RYR3: variants seen among roughly 807,000 people sequenced by gnomAD.
The protein encoded by RYR3 is brain ryanodine receptor-calcium release channel.
A neutral mutation model predicts 584.3 loss-of-function variants in RYR3; 207 were observed. That is an observed-to-expected ratio of 0.35 (90% CI 0.32 to 0.40). The LOEUF is 0.40. Among genes scored for constraint, RYR3 ranks in the 10% least tolerant of loss-of-function variants. The pLI is 1.00. For missense variants in RYR3, 5,616 were observed against 6,089.2 expected (o/e 0.92, Z 2.59); for synonymous variants, 2,416 against 2,248.5 (o/e 1.07, Z -2.11).
At chr15:33,489,927 C>G (rs897360371) in intron 2 of RYR3, among the ~76,000 whole-genome samples, 2 of 98,582 alleles carry the variant, frequency 2.0e-5, no homozygotes, top group Non-Finnish European at 4.4e-5. Flanking sequence ...CCTCATTTGC[C>G]CATTCATTCC....
At position 33,533,349 on chromosome 15, in the gene RYR3, C is replaced by A. The variant is rs183923528; in HGVS notation, c.393C>A (p.Asp131Glu). Residue 131 changes from aspartate (D) to glutamate (E), a missense_variant, in exon 5 of 104, where the codon GAC becomes GAA. Asp to Glu is a conservative substitution (Grantham distance 45, BLOSUM62 2). Transcript: ENST00000634891. ...TCLTTSRSQT[D>E]KLAFDVGLRE... is the part of the protein sequence containing the mutation. ...TGACTACATCAAGATCCCAGACAGACAAACTTGCCTTTGATGTAGGTCTAC... is the reference window on the plus strand; with the variant it reads ...TGACTACATCAAGATCCCAGACAGAAAAACTTGCCTTTGATGTAGGTCTAC... The A allele has an allele frequency of 1.8e-5, 29 of 1,609,118 alleles. No homozygotes were observed. Among genetic ancestry groups the A allele is most frequent in the Non-Finnish European group, 2.4e-5 (28 of 1,177,754 alleles).
chr15:33,748,339 G>A (rs1047358165), intron 54 of RYR3, 79 bp downstream of exon 54: 24 of 1,556,182 alleles, frequency 1.5e-5, no homozygotes, highest in Middle Eastern at 1.7e-4. Flanking sequence ...CTGGGGCATC[G>A]TAGGTGGGAC....
At chr15:33,842,083 G>C (rs1486023900) in intron 91 of RYR3, 48 bp downstream of exon 91, 1 of 1,554,346 alleles carries the variant, frequency 6.4e-7, no homozygotes, top group African/African-American at 1.4e-5. Flanking sequence ...GATTGGCCCA[G>C]GCAGATGGCA....
At chr15:33,354,080 C>T (rs1476728751) in intron 1 of RYR3, among the ~76,000 whole-genome samples, 1 of 152,134 alleles carries the variant, frequency 6.6e-6, no homozygotes, top group Non-Finnish European at 1.5e-5. Context: ...TTGGGTTCTA[C>T]AGCAAAAGAA....
intron 43 of RYR3, among the ~76,000 whole-genome samples, chr15:33,721,372 A>G (rs1567021855): frequency 6.6e-6 from 1 of 152,232 alleles, no homozygotes; most frequent in East Asian, 1.9e-4. Context: ...CACCTAGCTT[A>G]GCGACTTCAA....
intron 76 of RYR3, 85 bp downstream of exon 76, chr15:33,818,769 G>A: frequency 1.1e-6 from 1 of 928,364 alleles, no homozygotes; most frequent in Non-Finnish European, 1.7e-6. Flanking sequence ...GACGGCAGTG[G>A]GTGGAAAAGG....
At chr15:33,729,140 T>G in intron 47 of RYR3, 114 bp downstream of exon 47, 4 of 847,902 alleles carry the variant, frequency 4.7e-6, no homozygotes, top group Non-Finnish European at 7.2e-6. Flanking sequence ...AATAGCTTAC[T>G]TTAATGGGTG....
chr15:33,579,878 T>G (rs1479838767), intron 12 of RYR3, 98 bp from the exon 13 acceptor site: 5 of 836,218 alleles, frequency 6.0e-6, no homozygotes, highest in Non-Finnish European at 8.8e-6. Flanking sequence ...CAACTCATGG[T>G]GCACCGTGGG....
chr15:33,835,082 C>G lies in RYR3; in HGVS notation c.11568+10C>G, dbSNP rs748560969. On this transcript the variant is annotated intron_variant, in intron 87 of 103. Coordinates refer to ENST00000634891, the MANE Select transcript of RYR3 (RefSeq NM_001036.6). The stretch of plus-strand genomic sequence containing the variant: ...GATGAAACTCTCTCAGGTACTGTGG[C>G]CCATTCCCTGCACGTGTCATTGTTG... 1 of 1,590,780 alleles carries G rather than the reference C, an allele frequency of 6.3e-7. No individual in the cohort carries two copies. The highest frequency in any genetic ancestry group is 1.1e-5 in the South Asian group (1 of 90,496).
chr15:33,464,625 T>C (rs2048345029), intron 1 of RYR3, among the ~76,000 whole-genome samples: 1 of 150,790 alleles, frequency 6.6e-6, no homozygotes, highest in Non-Finnish European at 1.5e-5. Context: ...ATATATTTAA[T>C]TGATATATTT....
intron 70 of RYR3, among the ~76,000 whole-genome samples, chr15:33,809,527 C>T (rs1459084063): frequency 6.6e-6 from 1 of 152,018 alleles, no homozygotes; most frequent in African/African-American, 2.4e-5. Flanking sequence ...AAGTGATTTC[C>T]CTGTGCCGTG....
At chr15:33,765,180 TAA>T (rs2072907518) in intron 60 of RYR3, among the ~76,000 whole-genome samples, 1 of 152,134 alleles carries the variant, frequency 6.6e-6, no homozygotes, top group African/African-American at 2.4e-5. Flanking sequence ...TCCACTAGGT[TAA>T]CATGTAGATA....
chr15:33,619,826 A>C (rs2152578363), intron 19 of RYR3, among the ~76,000 whole-genome samples: 1 of 152,242 alleles, frequency 6.6e-6, no homozygotes, highest in East Asian at 1.9e-4. Context: ...GAGAATAGGC[A>C]TGTCTGATGG....
chr15:33,805,730 G>A (rs1023889388), intron 69 of RYR3, among the ~76,000 whole-genome samples: 1 of 151,920 alleles, frequency 6.6e-6, no homozygotes, highest in Non-Finnish European at 1.5e-5. Flanking sequence ...GCCCGCCTCG[G>A]CCTCCCAAAG....
At chr15:33,844,714 A>C in intron 92 of RYR3, 148 bp from the exon 93 acceptor site, 1 of 662,816 alleles carries the variant, frequency 1.5e-6, no homozygotes, top group Admixed American at 3.0e-5. Flanking sequence ...CCTAGTAATA[A>C]GTCACCTAAA....
intron 8 of RYR3, among the ~76,000 whole-genome samples, chr15:33,546,725 A>G (rs2056270300): frequency 6.6e-6 from 1 of 152,238 alleles, no homozygotes; most frequent in Non-Finnish European, 1.5e-5. Context: ...GAGATCACAC[A>G]GCTACCAGAT....
rs913794947 is a variant in RYR3, at chr15:33,755,152, T to C, written c.8487T>C (p.Asp2829=). ...KFLKKILKYV[D]SAQEFIAHLE... is the part of the protein sequence containing the mutation. ...TGAAGAAGATCCTGAAATACGTTGA[T>C]TCTGCTCAAGAATTTATTGCCCATT... Residue 2829 remains aspartate (D), a synonymous_variant, in exon 58 of 104, where the codon GAT becomes GAC. Coordinates refer to ENST00000634891, the MANE Select transcript of RYR3 (RefSeq NM_001036.6). 9.3e-6 allele frequency: 15 copies of C among 1,611,236 alleles called. No individual in the cohort carries two copies. Among genetic ancestry groups the C allele is most frequent in the Non-Finnish European group, 1.3e-5 (15 of 1,178,008 alleles).
intron 1 of RYR3, among the ~76,000 whole-genome samples, chr15:33,349,081 C>G (rs1417116309): frequency 7.6e-6 from 1 of 132,158 alleles, no homozygotes; most frequent in Non-Finnish European, 1.6e-5. Context: ...TCCTCTGTAT[C>G]TTTTTGTGGC....
rs911946537 is a variant in RYR3 at position 33,788,292 on chromosome 15, C to G, written c.9664C>G (p.Leu3222Val). The G allele has an allele frequency of 1.4e-5, 23 of 1,614,008 alleles. No homozygotes were observed. In the Admixed American group the frequency reaches 2.8e-4, roughly 20 times the overall value. ...CCACTTCATCCCAACTCTGGAGAAGCTGAAGAAAAAGGCTGTCAAGACGGT... is the reference window on the plus strand; with the variant it reads ...CCACTTCATCCCAACTCTGGAGAAGGTGAAGAAAAAGGCTGTCAAGACGGT... ...RSHFIPTLEK[L>V]KKKAVKTVQE... The change falls in exon 67 of 104, where the codon CTG becomes GTG. Residue 3222 changes from leucine to valine, a missense_variant. Around this residue, in one of 9 missense-constraint regions of RYR3, gnomAD observed 954 missense variants for 1,132.2 expected, o/e 0.84. Transcript: ENST00000634891.
Sources: allele counts gnomAD v4.1 joint callset (sites outside exome capture counted in the v4.1 genomes callset), GRCh38; gene constraint gnomAD v4.1.1; regional missense constraint gnomAD v4.1.1; transcripts MANE v1.5; gene names NCBI Gene and HGNC (gene_info 2026-07-23, HGNC 2026-07-21).